The following IGDCC3 variants were observed in gnomAD, a reference collection of about 807,000 sequenced individuals.
IGDCC3 encodes the protein immunoglobulin superfamily DCC subclass member 3, also known as putative neuronal cell adhesion molecule.
In IGDCC3, 47 loss-of-function variants were observed where a neutral mutation model predicts 72.0. The ratio of observed to expected loss-of-function variants is 0.65; its 90% confidence interval spans 0.52 to 0.83. The LOEUF is 0.83. Among genes scored for constraint, IGDCC3 ranks in the 40% least tolerant of loss-of-function variants. The probability of loss-of-function intolerance (pLI) is 0.00; values close to 1 mark genes in which losing one functional copy is unlikely to be tolerated. For missense variants in IGDCC3, 1,038 were observed against 1,091.3 expected (o/e 0.95, Z 0.69); for synonymous variants, 477 against 472.8 (o/e 1.01, Z -0.11).
At chr15:65,352,911 C>A (rs1025602835) in intron 2 of IGDCC3, among the ~76,000 whole-genome samples, 1 of 152,118 alleles carries the variant, frequency 6.6e-6, no homozygotes, top group Non-Finnish European at 1.5e-5. Context: ...TTTGTTTCTG[C>A]AATTTAGGCT....
chr15:65,369,468 C>A (rs1365199973), intron 2 of IGDCC3, among the ~76,000 whole-genome samples: 1 of 152,122 alleles, frequency 6.6e-6, no homozygotes, highest in Non-Finnish European at 1.5e-5. Flanking sequence ...GTGTCTGAAC[C>A]CCATCCATTT....
intron 2 of IGDCC3, among the ~76,000 whole-genome samples, chr15:65,372,686 A>C (rs1026657030): frequency 6.6e-6 from 1 of 152,146 alleles, no homozygotes; most frequent in South Asian, 2.1e-4. Context: ...AGGAGCAGGC[A>C]GAAGAAGCAG....
intron 2 of IGDCC3, among the ~76,000 whole-genome samples, chr15:65,372,749 C>G (rs2091334611): frequency 6.6e-6 from 1 of 152,208 alleles, no homozygotes; most frequent in African/African-American, 2.4e-5. Context: ...TCCTGTGTCA[C>G]ACAACATCTG....
chr15:65,329,579 A>G lies in IGDCC3; in HGVS notation c.2016T>C (p.Asp672=), dbSNP rs2090957615. The G allele has an allele frequency of 6.2e-7, 1 of 1,612,088 alleles. No individual in the cohort carries two copies. Among genetic ancestry groups the G allele is most frequent in the Non-Finnish European group, 8.5e-7 (1 of 1,179,506 alleles). ...GQRGRVLLCK[D]VENQLSPPQG... is the part of the protein sequence containing the mutation. ...GTGGAGGGGACAGCTGGTTTTCCAC[A>G]TCTTTACACAGGAGGACCCTAAGGG... is the stretch of plus-strand genomic sequence containing the variant. Residue 672 remains aspartate (D), a synonymous_variant, in exon 13 of 14, where the codon GAT becomes GAC. Transcript: ENST00000327987. This position sits in a 1 kb window ranked among gnomAD's most constrained non-coding sequence, Gnocchi z 4.1.
At position 65,377,700 on chromosome 15, in the gene IGDCC3, G is replaced by T; in HGVS notation, c.89C>A (p.Pro30His). Residue 30 changes from proline to histidine, a missense_variant, in exon 1 of 14, where the codon CCC (proline) becomes CAC (histidine). Coordinates refer to ENST00000327987, the MANE Select transcript of IGDCC3 (RefSeq NM_004884.4). This position sits in a 1 kb window ranked among gnomAD's most constrained non-coding sequence, Gnocchi z 4.9. ...CTTTCACTCACCCTCGCTCGGCGCG[G>T]GCAGCAGCAGCAACAGCAGCGGCAG... Reference protein sequence around the residue: ...LLLPLLLLLLPAPSEGLGHSA... With the variant: ...LLLPLLLLLLHAPSEGLGHSA... 7.1e-7 allele frequency: 1 copy of T among 1,413,810 alleles called. No homozygotes were observed. Among genetic ancestry groups the T allele is most frequent in the Non-Finnish European group, 9.2e-7 (1 of 1,087,764 alleles). The allele number at this position is 1,413,810 out of a possible 1,614,324, so 87.6% of individuals were successfully genotyped here.
chr15:65,362,199 A>G (rs1595763135), intron 2 of IGDCC3, among the ~76,000 whole-genome samples: 1 of 152,004 alleles, frequency 6.6e-6, no homozygotes, highest in Non-Finnish European at 1.5e-5. Context: ...GAACTTTACA[A>G]TTGGGAAGGG....
At chr15:65,355,774 G>C (rs1279270211) in intron 2 of IGDCC3, 1 of 453,956 alleles carries the variant, frequency 2.2e-6, no homozygotes. Context: ...GCGGCGAATG[G>C]AGAAAATAAG....
At chr15:65,372,043 G>A (rs751261620) in intron 2 of IGDCC3, among the ~76,000 whole-genome samples, 9 of 152,168 alleles carry the variant, frequency 5.9e-5, no homozygotes, top group African/African-American at 7.2e-5. Context: ...AGCAGGGGCC[G>A]GGAGCAGAAT....
At chr15:65,366,737 G>A (rs993373195) in intron 2 of IGDCC3, among the ~76,000 whole-genome samples, 1 of 152,140 alleles carries the variant, frequency 6.6e-6, no homozygotes, top group Non-Finnish European at 1.5e-5. Flanking sequence ...TCTCCCTGCA[G>A]TCTGGGGGTC....
chr15:65,374,441 A>G (rs2091345610), intron 2 of IGDCC3, among the ~76,000 whole-genome samples: 1 of 152,232 alleles, frequency 6.6e-6, no homozygotes, highest in Non-Finnish European at 1.5e-5. Flanking sequence ...TTGACGATCA[A>G]GCAGCACAAG....
chr15:65,334,041 C>T (rs527618075), intron 5 of IGDCC3, among the ~76,000 whole-genome samples: 1 of 151,144 alleles, frequency 6.6e-6, no homozygotes, highest in East Asian at 2.0e-4. Context: ...GGAGACAGCT[C>T]CCCATTCAGG....
intron 2 of IGDCC3, among the ~76,000 whole-genome samples, chr15:65,368,518 T>C (rs544632093): frequency 6.6e-6 from 1 of 152,172 alleles, no homozygotes; most frequent in South Asian, 2.1e-4. Flanking sequence ...ACTCAAGTTC[T>C]GCGGGTGGGG....
At position 65,329,114 on chromosome 15, in the gene IGDCC3, G is replaced by C; in HGVS notation, c.2240C>G (p.Thr747Ser). 1 of 1,610,570 alleles carries C rather than the reference G, an allele frequency of 6.2e-7. No homozygotes were observed. Residue 747 changes from threonine (T) to serine (S), a missense_variant, in exon 14 of 14, where the codon ACC becomes AGC. Thr to Ser is a moderately conservative substitution (Grantham distance 58, BLOSUM62 1). Coordinates refer to ENST00000327987, the MANE Select transcript of IGDCC3 (RefSeq NM_004884.4). This position sits in a 1 kb window ranked among gnomAD's most constrained non-coding sequence, Gnocchi z 4.1. ...DPAAPAPCEE[T>S]QLSVLPLQGC... is the part of the protein sequence containing the mutation. ...CTGAAGTGGCAGCACGGAGAGCTGGGTCTCCTCACACGGAGCGGGGGCTGC... is the reference window on the plus strand; with the variant it reads ...CTGAAGTGGCAGCACGGAGAGCTGGCTCTCCTCACACGGAGCGGGGGCTGC...
chr15:65,343,341 T>C (rs1019837615), intron 2 of IGDCC3, among the ~76,000 whole-genome samples: 1 of 150,242 alleles, frequency 6.7e-6, no homozygotes, highest in Admixed American at 6.7e-5. Flanking sequence ...AGGGAGTGCA[T>C]GGTGGAGCTC....
At chr15:65,336,315 G>A (rs1433152185) in intron 2 of IGDCC3, among the ~76,000 whole-genome samples, 2 of 152,110 alleles carry the variant, frequency 1.3e-5, no homozygotes, top group African/African-American at 4.8e-5. Context: ...CCCTGCTCCC[G>A]AGCCCCACAC....
chr15:65,342,171 G>A (rs905335569), intron 2 of IGDCC3, among the ~76,000 whole-genome samples: 12 of 151,942 alleles, frequency 7.9e-5, no homozygotes, highest in African/African-American at 2.9e-4. Flanking sequence ...TGGATCACAT[G>A]AGGTCGGGAG....
At chr15:65,365,990 T>C (rs1212242469) in intron 2 of IGDCC3, among the ~76,000 whole-genome samples, 1 of 152,044 alleles carries the variant, frequency 6.6e-6, no homozygotes, top group Admixed American at 6.6e-5. Flanking sequence ...GGTGGACCAC[T>C]TGAGGTCAGG....
Position 65,377,869 on chromosome 15 carries a change from G to T in IGDCC3, c.-81C>A. ...CACAGCGTCCCGCGGGGCCGGCGCC[G>T]GGGCCGGGGCTGGGGCTCCGGCCGG... On this transcript the variant is annotated 5_prime_UTR_variant, in exon 1 of 14. Transcript: ENST00000327987. The surrounding 1 kb of genome is among the most constrained non-coding windows in gnomAD (Gnocchi z 4.9). 9.5e-7 allele frequency: 1 copy of T among 1,054,798 alleles called. No homozygotes were observed. The allele number at this position is 1,054,798 out of a possible 1,614,324, so 65.3% of individuals were successfully genotyped here.
At chr15:65,358,917 CCT>C (rs1423925535) in intron 2 of IGDCC3, among the ~76,000 whole-genome samples, 1 of 152,180 alleles carries the variant, frequency 6.6e-6, no homozygotes, top group Non-Finnish European at 1.5e-5. Context: ...CCTCCACCTC[CCT>C]GGTTCAAACA....
Sources: gnomAD v4.1 joint callset for allele counts (sites outside exome capture counted in the v4.1 genomes callset) on GRCh38, gnomAD v4.1.1 for gene constraint, Gnocchi (gnomAD v3.1) non-coding constraint, MANE v1.5 for transcripts, NCBI Gene and HGNC (gene_info 2026-07-23, HGNC 2026-07-21) for gene names.